The following PTPRD variants were observed in gnomAD, a reference collection of about 807,000 sequenced individuals.
PTPRD encodes the protein receptor-type tyrosine-protein phosphatase delta.
PTPRD carries 34 observed loss-of-function variants against 214.5 expected under a neutral mutation model. That is an observed-to-expected ratio of 0.16 (90% confidence interval 0.12 to 0.21). PTPRD has a LOEUF of 0.21. Among genes scored for constraint, PTPRD ranks in the 10% least tolerant of loss-of-function variants. The pLI is 1.00. For synonymous variants in PTPRD, 1,128 were observed against 845.7 expected (o/e 1.33, Z -5.79); for missense variants, 2,545 against 2,398.7 (o/e 1.06, Z -1.27).
chr9:10,528,756 TGTGA>T (rs1289576458), intron 2 of PTPRD, among the ~76,000 whole-genome samples: 1 of 152,194 alleles, frequency 6.6e-6, no homozygotes, highest in Non-Finnish European at 1.5e-5. Context: ...GAGATTTAAC[TGTGA>T]GTGTCTTTAA....
At position 10,287,338 on chromosome 9, in the gene PTPRD, G is replaced by C. The variant is rs369563858; in HGVS notation, c.-545+53625C>G. ...GGGCCAAACCGGCTTAAAACCACTA[G>C]CGTATGCAACAGGATGCCTCTACAT... On this transcript the variant is annotated intron_variant, in intron 3 of 45. Transcript: ENST00000381196. Among the ~76,000 whole-genome samples the C allele has an allele frequency of 5.9e-5, 9 of 152,222 alleles. No individual in the cohort carries two copies. The East Asian group carries it at 1.7e-3, about 30-fold the overall frequency.
intron 9 of PTPRD, among the ~76,000 whole-genome samples, chr9:9,343,116 T>C (rs1183720080): frequency 1.3e-5 from 2 of 152,204 alleles, no homozygotes; most frequent in Non-Finnish European, 2.9e-5. Flanking sequence ...CCACATTTTC[T>C]TCATCCAGTC....
intron 11 of PTPRD, among the ~76,000 whole-genome samples, chr9:8,752,354 A>G (rs546503192): frequency 5.6e-4 from 86 of 152,228 alleles, no homozygotes; most frequent in African/African-American, 1.5e-3. Flanking sequence ...CAGTTTACAG[A>G]TGCCATGGCA....
chr9:9,367,831 A>G (rs544940858), intron 9 of PTPRD, among the ~76,000 whole-genome samples: 99 of 151,824 alleles, frequency 6.5e-4, no homozygotes, highest in African/African-American at 2.3e-3. Context: ...CATTTGTACA[A>G]TCTCACAGTC....
intron 8 of PTPRD, among the ~76,000 whole-genome samples, chr9:9,404,479 T>C (rs1033947906): frequency 1.3e-5 from 2 of 152,122 alleles, no homozygotes; most frequent in African/African-American, 2.4e-5. Flanking sequence ...TTAAGGATTA[T>C]TGCTGCTTTG....
At chr9:9,003,841 T>C (rs1465238904) in intron 11 of PTPRD, among the ~76,000 whole-genome samples, 1 of 152,078 alleles carries the variant, frequency 6.6e-6, no homozygotes, top group Non-Finnish European at 1.5e-5. Flanking sequence ...ACTCGCAATC[T>C]GTAAATGCCT....
chr9:10,292,666 A>C (rs2154401238), intron 3 of PTPRD, among the ~76,000 whole-genome samples: 1 of 152,048 alleles, frequency 6.6e-6, no homozygotes, highest in East Asian at 1.9e-4. Context: ...GAAATATGTC[A>C]AAAACATCCC....
intron 12 of PTPRD, among the ~76,000 whole-genome samples, chr9:8,655,516 A>T (rs2096891650): frequency 6.6e-6 from 1 of 152,314 alleles, no homozygotes; most frequent in African/African-American, 2.4e-5. Flanking sequence ...TAGATCTTTA[A>T]CATCTGAACT....
intron 2 of PTPRD, among the ~76,000 whole-genome samples, chr9:10,567,809 T>C (rs115667503): frequency 4.0e-4 from 61 of 151,942 alleles, no homozygotes; most frequent in African/African-American, 1.5e-3. Context: ...ATGTATATAG[T>C]TTAGAATTCA....
chr9:9,806,756 T>A, intron 5 of PTPRD, among the ~76,000 whole-genome samples: 1 of 152,106 alleles, frequency 6.6e-6, no homozygotes, highest in South Asian at 2.1e-4. Flanking sequence ...TCTCAGGAGT[T>A]GAGCGAGTGG....
At chr9:9,215,662 G>A (rs1462732130) in intron 9 of PTPRD, among the ~76,000 whole-genome samples, 2 of 152,094 alleles carry the variant, frequency 1.3e-5, no homozygotes, top group Non-Finnish European at 2.9e-5. Context: ...TCAGGGGGCT[G>A]TACAACCCAG....
rs183438097 is a variant in PTPRD at position 8,407,769 on chromosome 9, T to C, written c.4087-3109A>G. Among the ~76,000 whole-genome samples the C allele has an allele frequency of 4.3e-3, 654 of 152,302 alleles. 10 individuals carry two copies. The highest frequency in any genetic ancestry group is 0.015 in the African/African-American group (619 of 41,562). On this transcript the variant is annotated intron_variant, in intron 35 of 45. Transcript: ENST00000381196. ...TCGTTTTACACGGATCAAACAAACATTGATTAAATAATGCTGACTTGTCTT... is the reference window on the plus strand; with the variant it reads ...TCGTTTTACACGGATCAAACAAACACTGATTAAATAATGCTGACTTGTCTT...
chr9:10,612,811 G>C lies in PTPRD; in HGVS notation c.-831C>G, dbSNP rs2081348893. On this transcript the variant is annotated 5_prime_UTR_variant, in exon 1 of 46. In the 5' UTR this introduces an upstream ATG that the reference lacks. Transcript: ENST00000381196. ...AGGGGAGCGCAGGGTTGGGGAGGCC[G>C]ATGAGCGGCTCCCGGCTCCTCGGAG... is the stretch of plus-strand genomic sequence containing the variant. 1 of 152,174 alleles carries C rather than the reference G, an allele frequency of 6.6e-6. No homozygotes were observed. Among genetic ancestry groups the C allele is most frequent in the Admixed American group, 6.5e-5 (1 of 15,278 alleles). 9.4% of individuals were successfully genotyped at this position (152,174 alleles called of 1,614,324 possible). A position where few individuals can be genotyped will look rare whatever the true frequency, so the allele number is the denominator to read the frequency against.
intron 5 of PTPRD, among the ~76,000 whole-genome samples, chr9:9,773,371 C>A (rs1200106094): frequency 6.6e-6 from 1 of 152,120 alleles, no homozygotes; most frequent in Non-Finnish European, 1.5e-5. Flanking sequence ...TATATGAATA[C>A]AATGTGGTAA....
intron 2 of PTPRD, among the ~76,000 whole-genome samples, chr9:10,437,637 T>G (rs114432767): frequency 6.6e-6 from 1 of 151,764 alleles, no homozygotes; most frequent in African/African-American, 2.4e-5. Flanking sequence ...GTTTCTCTAC[T>G]TTTTAATATC....
intron 3 of PTPRD, among the ~76,000 whole-genome samples, chr9:10,232,940 C>T (rs1395992443): frequency 1.3e-5 from 2 of 150,212 alleles, no homozygotes; most frequent in African/African-American, 5.0e-5. Flanking sequence ...TTCTTCCTCA[C>T]TATCATTTTA....
chr9:8,724,006 A>G (rs2098530722), intron 12 of PTPRD, among the ~76,000 whole-genome samples: 1 of 152,204 alleles, frequency 6.6e-6, no homozygotes, highest in Non-Finnish European at 1.5e-5. Flanking sequence ...TGAATTTAAA[A>G]CTTTTATGAG....
Position 8,602,382 on chromosome 9 carries a change from A to G in PTPRD, c.352+30935T>C, listed in dbSNP as rs1159479915. Among the ~76,000 whole-genome samples, 6 of 152,260 alleles carry G rather than the reference A, an allele frequency of 3.9e-5. No individual in the cohort carries two copies. The South Asian group carries it at 1.2e-3, about 32-fold the overall frequency. Reference sequence around the variant, plus strand: ...GCCTTTGGTGGTGCTTCTTCTCTCCACTTATAAATAGGATGACAACAGCAA... The same window carrying G: ...GCCTTTGGTGGTGCTTCTTCTCTCCGCTTATAAATAGGATGACAACAGCAA... On this transcript the variant is annotated intron_variant, in intron 14 of 45. Coordinates refer to ENST00000381196, the MANE Select transcript of PTPRD (RefSeq NM_002839.4).
At chr9:8,509,146 A>G (rs1280288572) in intron 21 of PTPRD, among the ~76,000 whole-genome samples, 4 of 152,106 alleles carry the variant, frequency 2.6e-5, no homozygotes, top group African/African-American at 9.7e-5. Context: ...ATTTAGATTG[A>G]AAGGTGGAAG....
Sources: allele counts gnomAD v4.1 joint callset (sites outside exome capture counted in the v4.1 genomes callset), GRCh38; gene constraint gnomAD v4.1.1; transcripts MANE v1.5; gene names NCBI Gene and HGNC (gene_info 2026-07-23, HGNC 2026-07-21).